Variants in TMEM242 observed in about 807,000 individuals in gnomAD.
TMEM242 encodes transmembrane protein 242, also known as UPF0463 transmembrane protein C6orf35.
A neutral mutation model predicts 18.2 loss-of-function variants in TMEM242; 10 were observed. That is an observed-to-expected ratio of 0.55 (90% confidence interval 0.34 to 0.93). The LOEUF is 0.93. Ranked by LOEUF, TMEM242 falls within the 40% of genes least tolerant of loss-of-function variation. The probability of loss-of-function intolerance (pLI) is 0.02; values close to 1 mark genes in which losing one functional copy is unlikely to be tolerated. For synonymous variants in TMEM242, 57 were observed against 69.9 expected (o/e 0.81, Z 0.92); for missense variants, 186 against 175.5 (o/e 1.06, Z -0.34).
intron 3 of TMEM242, among the ~76,000 whole-genome samples, chr6:157,294,130 A>C (rs1358197221): frequency 6.6e-6 from 1 of 152,172 alleles, no homozygotes; most frequent in Non-Finnish European, 1.5e-5. Flanking sequence ...TACAGAAGTT[A>C]GGTGATCTTT....
intron 3 of TMEM242, among the ~76,000 whole-genome samples, chr6:157,316,414 T>G (rs1239646078): frequency 6.6e-6 from 1 of 152,216 alleles, no homozygotes. Flanking sequence ...ATGTCTAAAA[T>G]GTCTGTAGAA....
At position 157,305,506 on chromosome 6, in the gene TMEM242, G is replaced by A. The variant is rs1330493700; in HGVS notation, c.328-12507C>T. On this transcript the variant is annotated intron_variant, in intron 3 of 3. Transcript: ENST00000400788. The surrounding 1 kb of genome is among the most constrained non-coding windows in gnomAD (Gnocchi z 4.1). ...GCACACAATATGAAGCAGAGACGCC[G>A]ATCTGAAGGTCAGGGCTGGGGCTAT... Among the ~76,000 whole-genome samples the A allele has an allele frequency of 6.6e-6, 1 of 152,164 alleles. No individual in the cohort carries two copies. Among genetic ancestry groups the A allele is most frequent in the African/African-American group, 2.4e-5 (1 of 41,442 alleles).
In TMEM242 at chr6:157,305,330, G is replaced by T. The variant is rs1777895934; in HGVS notation, c.328-12331C>A. ...TAAGAGGATTCTCACTGGGGTTTTT[G>T]GTTTGAAGTGGAAGGATGAGATGAC... is the stretch of plus-strand genomic sequence containing the variant. On this transcript the variant is annotated intron_variant, in intron 3 of 3. Transcript: ENST00000400788. The surrounding 1 kb of genome is among the most constrained non-coding windows in gnomAD (Gnocchi z 4.1). 6.6e-6 allele frequency among the ~76,000 whole-genome samples: 1 copy of T among 152,082 alleles called. No homozygotes were observed. The highest frequency in any genetic ancestry group is 1.5e-5 in the Non-Finnish European group (1 of 68,010).
In TMEM242 at chr6:157,293,545, A is replaced by C. The variant is rs1448122745; in HGVS notation, c.328-546T>G. ...TAAATAAATATAATTAGGTCATTCAAAGCTAGAATTTTAGACACAGAAATG... is the reference window on the plus strand; with the variant it reads ...TAAATAAATATAATTAGGTCATTCACAGCTAGAATTTTAGACACAGAAATG... On this transcript the variant is annotated intron_variant, in intron 3 of 3. Coordinates refer to ENST00000400788, the MANE Select transcript of TMEM242 (RefSeq NM_018452.6). Among the ~76,000 whole-genome samples, 3 of 152,248 alleles carry C rather than the reference A, an allele frequency of 2.0e-5. No homozygotes were observed. The East Asian group carries it at 5.8e-4, about 29-fold the overall frequency.
intron 3 of TMEM242, among the ~76,000 whole-genome samples, chr6:157,307,990 G>A (rs989754398): frequency 2.0e-5 from 3 of 152,170 alleles, no homozygotes; most frequent in East Asian, 1.9e-4. Flanking sequence ...TGTTTCAGCC[G>A]CTTCTCACAC....
intron 3 of TMEM242, among the ~76,000 whole-genome samples, chr6:157,311,543 T>TGCCCCA (rs1554248841): frequency 9.4e-4 from 122 of 129,498 alleles, no homozygotes; most frequent in Non-Finnish European, 1.3e-3. Context: ...CTCATCATAG[T>TGCCCCA]GTCCCAGTGT....
chr6:157,311,244 G>C (rs1283788621), intron 3 of TMEM242, among the ~76,000 whole-genome samples: 76 of 99,318 alleles, frequency 7.7e-4, no homozygotes, highest in African/African-American at 2.8e-3. Context: ...TAGTGTCCCA[G>C]TGTGCGCTCA....
At position 157,300,104 on chromosome 6, in the gene TMEM242, A is replaced by G. The variant is rs1777807346; in HGVS notation, c.328-7105T>C. The G allele has an allele frequency of 3.4e-5, 22 of 654,880 alleles. No individual in the cohort carries two copies. In the South Asian group the frequency reaches 3.7e-4, roughly 11 times the overall value. 40.6% of individuals were successfully genotyped at this position (654,880 alleles called of 1,614,324 possible). A position where few individuals can be genotyped will look rare whatever the true frequency, so the allele number is the denominator to read the frequency against. On this transcript the variant is annotated intron_variant, in intron 3 of 3. Transcript: ENST00000400788. ...CGAGCTCACTCTCCGGCTGGCCTGC[A>G]CAACAGACACAGTCCAACTCATGGC...
At chr6:157,321,874 C>A (rs1962087) in intron 2 of TMEM242, among the ~76,000 whole-genome samples, 38,961 of 152,076 alleles carry the variant, frequency 0.26, 5,275 homozygotes, top group East Asian at 0.55. Context: ...TGAAAACATT[C>A]TATAACATAG....
At position 157,307,915 on chromosome 6, in the gene TMEM242, G is replaced by A. The variant is rs587770855; in HGVS notation, c.327+10867C>T. Among the ~76,000 whole-genome samples, 16 of 152,262 alleles carry A rather than the reference G, an allele frequency of 1.1e-4. No individual in the cohort carries two copies. In the East Asian group the frequency reaches 2.9e-3, roughly 28 times the overall value. On this transcript the variant is annotated intron_variant, in intron 3 of 3. Transcript: ENST00000400788. ...TAAGAAATTGAGGCTTGCTTCCTGG[G>A]GGCAGAAGCTGGTAGAGATCTCTGG...
intron 3 of TMEM242, among the ~76,000 whole-genome samples, chr6:157,314,117 T>A (rs1778328251): frequency 6.6e-6 from 1 of 151,580 alleles, no homozygotes; most frequent in Non-Finnish European, 1.5e-5. Context: ...CTCATCATTG[T>A]GTCCCAGTGT....
chr6:157,315,312 A>G (rs1778369360), intron 3 of TMEM242, among the ~76,000 whole-genome samples: 2 of 152,274 alleles, frequency 1.3e-5, no homozygotes, highest in African/African-American at 4.8e-5. Flanking sequence ...GCGCTGTCTT[A>G]GCACAGTGCT....
chr6:157,306,436 C>G (rs1351381372), intron 3 of TMEM242, among the ~76,000 whole-genome samples: 2 of 152,144 alleles, frequency 1.3e-5, no homozygotes, highest in Non-Finnish European at 1.5e-5. Flanking sequence ...CAGGAATGGC[C>G]ACCTGGCTTT....
intron 3 of TMEM242, among the ~76,000 whole-genome samples, chr6:157,303,315 C>T (rs1217968589): frequency 2.0e-5 from 3 of 152,228 alleles, no homozygotes; most frequent in South Asian, 2.1e-4. Context: ...CCACAGACCC[C>T]ATCTAGAGAG....
rs1238972615 is a variant in TMEM242 at position 157,305,442 on chromosome 6, T to C, written c.328-12443A>G. Among the ~76,000 whole-genome samples, 6 of 151,762 alleles carry C rather than the reference T, an allele frequency of 4.0e-5. No homozygotes were observed. Among genetic ancestry groups the C allele is most frequent in the African/African-American group, 1.5e-4 (6 of 41,300 alleles). On this transcript the variant is annotated intron_variant, in intron 3 of 3. Coordinates refer to ENST00000400788, the MANE Select transcript of TMEM242 (RefSeq NM_018452.6). This position sits in a 1 kb window ranked among gnomAD's most constrained non-coding sequence, Gnocchi z 4.1. ...TCAAGTGCTCTAGTTGGGACATGGG[T>C]CATGTGACACGCCTATGAGGGCGTG...
At chr6:157,306,502 A>G (rs1777920294) in intron 3 of TMEM242, among the ~76,000 whole-genome samples, 1 of 152,062 alleles carries the variant, frequency 6.6e-6, no homozygotes, top group South Asian at 2.1e-4. Flanking sequence ...ATGACTCAGG[A>G]GTAGGTTGTA....
intron 3 of TMEM242, among the ~76,000 whole-genome samples, chr6:157,311,249 C>G (rs1554248685): frequency 6.9e-6 from 1 of 144,868 alleles, no homozygotes; most frequent in Non-Finnish European, 1.5e-5. Flanking sequence ...TCCCAGTGTG[C>G]GCTCACCTAG....
chr6:157,298,697 T>C (rs747908581), intron 3 of TMEM242, among the ~76,000 whole-genome samples: 130 of 152,214 alleles, frequency 8.5e-4, no homozygotes, highest in Non-Finnish European at 1.1e-3. Context: ...AACATAGGTA[T>C]AAGCCAGCAA....
In TMEM242 at chr6:157,292,810, G is replaced by T; in HGVS notation, c.*91C>A. The T allele has an allele frequency of 2.0e-6, 2 of 1,013,044 alleles. No individual in the cohort carries two copies. The highest frequency in any genetic ancestry group is 1.5e-6 in the Non-Finnish European group (1 of 655,230). The allele number at this position is 1,013,044 out of a possible 1,614,324, so 62.8% of individuals were successfully genotyped here. ...AGTCAGCAATCTGCCCATGTTCCTG[G>T]GAGAAATCAGTCCCAGTCCTTTTGC... On this transcript the variant is annotated 3_prime_UTR_variant, in exon 4 of 4. Transcript: ENST00000400788.
Sources: gnomAD v4.1 joint callset for allele counts (sites outside exome capture counted in the v4.1 genomes callset) on GRCh38, gnomAD v4.1.1 for gene constraint, Gnocchi (gnomAD v3.1) non-coding constraint, MANE v1.5 for transcripts, NCBI Gene and HGNC (gene_info 2026-07-23, HGNC 2026-07-21) for gene names.